Variants in GRM8 observed in about 807,000 individuals in gnomAD.
The protein encoded by GRM8 is metabotropic glutamate receptor 8.
Under a neutral mutation model 87.2 loss-of-function variants are expected in GRM8, and 47 were observed. The ratio of observed to expected loss-of-function variants is 0.54; its 90% CI spans 0.43 to 0.69. The LOEUF is 0.69. GRM8 is among the 30% of genes least tolerant of loss of function. The pLI is 0.00. For synonymous variants in GRM8, 396 were observed against 404.5 expected (o/e 0.98, Z 0.25); for missense variants, 1,019 against 1,139.2 (o/e 0.89, Z 1.52).
chr7:126,946,530 A>C (rs17868688), intron 3 of GRM8, among the ~76,000 whole-genome samples: 4 of 152,170 alleles, frequency 2.6e-5, no homozygotes, highest in Non-Finnish European at 4.4e-5. Flanking sequence ...GGAAAGAAAA[A>C]GTCAAAAGAA....
At chr7:126,811,813 T>C (rs1240584896) in intron 6 of GRM8, among the ~76,000 whole-genome samples, 2 of 152,038 alleles carry the variant, frequency 1.3e-5, no homozygotes, top group South Asian at 4.1e-4. Context: ...TGAATAGGGA[T>C]AATTTGGCAT....
intron 2 of GRM8, among the ~76,000 whole-genome samples, chr7:127,207,174 C>A (rs1044102327): frequency 2.6e-5 from 4 of 152,122 alleles, no homozygotes; most frequent in African/African-American, 7.2e-5. Context: ...AATGATGAAG[C>A]ACATGGAGAG....
intron 6 of GRM8, among the ~76,000 whole-genome samples, chr7:126,805,477 T>C (rs1792580425): frequency 6.6e-6 from 1 of 152,232 alleles, no homozygotes; most frequent in African/African-American, 2.4e-5. Context: ...CTGCTTTGAA[T>C]AGTCTTTGTT....
chr7:126,893,709 C>T (rs1283674253), intron 6 of GRM8, among the ~76,000 whole-genome samples: 5 of 151,870 alleles, frequency 3.3e-5, no homozygotes, highest in Non-Finnish European at 7.4e-5. Flanking sequence ...TCCTTGAGGG[C>T]AGATGTTTAG....
chr7:126,697,016 T>C (rs915102150), intron 7 of GRM8, among the ~76,000 whole-genome samples: 1 of 151,338 alleles, frequency 6.6e-6, no homozygotes, highest in Admixed American at 6.6e-5. Flanking sequence ...GCATAATATA[T>C]ACAAAAGAGA....
chr7:126,548,302 C>T (rs1330322312), intron 8 of GRM8, among the ~76,000 whole-genome samples: 1 of 144,070 alleles, frequency 6.9e-6, no homozygotes, highest in Non-Finnish European at 1.5e-5. Flanking sequence ...TAACCTAGAA[C>T]TTAAAGTATA....
At chr7:127,038,641 A>T (rs1039057130) in intron 3 of GRM8, among the ~76,000 whole-genome samples, 1 of 152,214 alleles carries the variant, frequency 6.6e-6, no homozygotes, top group East Asian at 1.9e-4. Context: ...AAGAGAAAAT[A>T]AAAAATTCAG....
chr7:126,473,049 C>T (rs530907971), intron 9 of GRM8, among the ~76,000 whole-genome samples: 1 of 152,174 alleles, frequency 6.6e-6, no homozygotes, highest in East Asian at 1.9e-4. Context: ...TCCTAGAGAA[C>T]CTCTGCTAAG....
chr7:127,048,692 G>T (rs1294514261), intron 3 of GRM8, among the ~76,000 whole-genome samples: 1 of 152,192 alleles, frequency 6.6e-6, no homozygotes, highest in African/African-American at 2.4e-5. Context: ...TAAACCTAGA[G>T]TCCATCCAAG....
intron 3 of GRM8, chr7:126,981,849 C>A (rs1451680596): frequency 1.7e-5 from 1 of 60,110 alleles, no homozygotes; most frequent in Non-Finnish European, 3.2e-5. Flanking sequence ...TTTCCCTATA[C>A]CTTTCTCAGG....
At chr7:127,021,565 T>C (rs1383879104) in intron 3 of GRM8, among the ~76,000 whole-genome samples, 1 of 152,044 alleles carries the variant, frequency 6.6e-6, no homozygotes, top group Non-Finnish European at 1.5e-5. Context: ...TTTGGACAGT[T>C]CAATCAATGA....
chr7:127,050,322 A>T (rs530430499), intron 3 of GRM8, among the ~76,000 whole-genome samples: 15 of 152,258 alleles, frequency 9.9e-5, no homozygotes, highest in Non-Finnish European at 1.6e-4. Context: ...TCGGACAGGG[A>T]GGGTACCAAG....
At chr7:126,755,608 T>C (rs1816913121) in intron 7 of GRM8, among the ~76,000 whole-genome samples, 1 of 151,882 alleles carries the variant, frequency 6.6e-6, no homozygotes, top group Admixed American at 6.6e-5. Flanking sequence ...AACAACTAAG[T>C]GAAGAAAAGC....
chr7:127,194,027 A>T (rs2116504581), intron 2 of GRM8, among the ~76,000 whole-genome samples: 1 of 152,302 alleles, frequency 6.6e-6, no homozygotes, highest in South Asian at 2.1e-4. Context: ...ACCCAGAGAG[A>T]AGCAAGACCC....
intron 7 of GRM8, among the ~76,000 whole-genome samples, chr7:126,646,648 C>A (rs1803128051): frequency 6.6e-6 from 1 of 152,150 alleles, no homozygotes. Context: ...AGTCTGAATC[C>A]AAGGCTCACC....
intron 7 of GRM8, among the ~76,000 whole-genome samples, chr7:126,766,654 T>C (rs1818230949): frequency 6.6e-6 from 1 of 152,102 alleles, no homozygotes; most frequent in Non-Finnish European, 1.5e-5. Context: ...TTCTAATATA[T>C]AATGTTTTTT....
intron 2 of GRM8, among the ~76,000 whole-genome samples, chr7:127,176,769 A>G (rs1204196105): frequency 1.3e-4 from 20 of 152,180 alleles, no homozygotes; most frequent in Admixed American, 1.3e-3. Context: ...TTTGTGGGAG[A>G]AGTTTCCAAC....
At chr7:127,166,747 A>G (rs2116280178) in intron 2 of GRM8, among the ~76,000 whole-genome samples, 1 of 152,296 alleles carries the variant, frequency 6.6e-6, no homozygotes, top group African/African-American at 2.4e-5. Flanking sequence ...TGAAAATGCT[A>G]GCTTTTTGCA....
intron 8 of GRM8, among the ~76,000 whole-genome samples, chr7:126,536,909 A>G (rs1815823263): frequency 6.6e-6 from 1 of 152,164 alleles, no homozygotes; most frequent in African/African-American, 2.4e-5. Flanking sequence ...GAAACCTTAA[A>G]GGTCAGTTTC....
Sources: allele counts gnomAD v4.1 joint callset (sites outside exome capture counted in the v4.1 genomes callset), GRCh38; gene constraint gnomAD v4.1.1; transcripts MANE v1.5; gene names NCBI Gene and HGNC (gene_info 2026-07-23, HGNC 2026-07-21).